The following TENM4 variants were observed in gnomAD, a reference collection of about 807,000 sequenced individuals.
TENM4 encodes the protein teneurin transmembrane protein 4, also known as teneurin-4.
A neutral mutation model predicts 243.3 loss-of-function variants in TENM4; 82 were observed. The ratio of observed to expected loss-of-function variants is 0.34; its 90% CI spans 0.28 to 0.40. The LOEUF (loss-of-function observed/expected upper bound fraction) is 0.40. TENM4 is among the 10% of genes least tolerant of loss of function. The pLI is 1.00. For missense variants in TENM4, 3,138 were observed against 3,673.3 expected (o/e 0.85, Z 3.77); for synonymous variants, 1,412 against 1,456.3 (o/e 0.97, Z 0.69).
Position 78,725,888 on chromosome 11 carries a change from T to C in TENM4, c.3550+191A>G, listed in dbSNP as rs192255715. ...GCATAAAGCCTTGAGGCCATTCATT[T>C]CTACATCCCCAGTGCCTAGCACAGT... On this transcript the variant is annotated intron_variant, in intron 23 of 33. Transcript: ENST00000278550. Among the ~76,000 whole-genome samples, 5 of 152,332 alleles carry C rather than the reference T, an allele frequency of 3.3e-5. No individual in the cohort carries two copies. The East Asian group carries it at 9.6e-4, about 29-fold the overall frequency.
intron 10 of TENM4, among the ~76,000 whole-genome samples, chr11:78,862,046 T>C (rs1261510724): frequency 1.3e-5 from 2 of 152,234 alleles, no homozygotes; most frequent in Non-Finnish European, 2.9e-5. Context: ...CATGGGCCTA[T>C]GGATATCCCA....
chr11:78,887,447 T>A (rs1434683032), intron 9 of TENM4, among the ~76,000 whole-genome samples: 1 of 152,242 alleles, frequency 6.6e-6, no homozygotes, highest in Non-Finnish European at 1.5e-5. Context: ...TCTCTTCTTT[T>A]AAGCTACGAA....
intron 6 of TENM4, among the ~76,000 whole-genome samples, chr11:78,975,592 A>ACACACC (rs935854076): frequency 2.2e-4 from 28 of 126,040 alleles, no homozygotes; most frequent in Admixed American, 1.4e-3. Flanking sequence ...CTTGGGATAC[A>ACACACC]CACACCCACA....
At chr11:79,137,679 A>G (rs1307334870) in intron 4 of TENM4, among the ~76,000 whole-genome samples, 2 of 152,124 alleles carry the variant, frequency 1.3e-5, no homozygotes, top group African/African-American at 4.8e-5. Flanking sequence ...GTACTAAGAA[A>G]ATACTTTCAT....
chr11:79,085,105 G>T (rs932305022), intron 4 of TENM4, among the ~76,000 whole-genome samples: 3 of 152,082 alleles, frequency 2.0e-5, no homozygotes, highest in Non-Finnish European at 2.9e-5. Context: ...GGGTGTAGTG[G>T]CTCATGCCTG....
At position 79,211,161 on chromosome 11, in the gene TENM4, C is replaced by T. The variant is rs137908803; in HGVS notation, c.-163+4647G>A. 2.0e-3 allele frequency among the ~76,000 whole-genome samples: 311 copies of T among 152,270 alleles called. 3 individuals are homozygous for T. Among genetic ancestry groups the T allele is most frequent in the African/African-American group, 7.1e-3 (296 of 41,552 alleles). On this transcript the variant is annotated intron_variant, in intron 3 of 33. Transcript: ENST00000278550. ...TCTGAAGGCAGTTACACCAACTTGA[C>T]CTTAAAGCACCAAGAAGATTCTGCT...
chr11:78,759,771 C>A (rs754949882), intron 18 of TENM4, among the ~76,000 whole-genome samples: 1 of 152,188 alleles, frequency 6.6e-6, no homozygotes, highest in Admixed American at 6.5e-5. Context: ...TATGAAGTAG[C>A]CACTGTTGTC....
At chr11:79,264,604 A>G (rs900469996) in intron 2 of TENM4, among the ~76,000 whole-genome samples, 1 of 152,052 alleles carries the variant, frequency 6.6e-6, no homozygotes, top group Non-Finnish European at 1.5e-5. Flanking sequence ...GTGGGTTGGG[A>G]TTAGGAGGCT....
intron 1 of TENM4, among the ~76,000 whole-genome samples, chr11:79,355,884 T>C (rs1402380547): frequency 1.3e-5 from 2 of 152,202 alleles, no homozygotes; most frequent in Non-Finnish European, 2.9e-5. Flanking sequence ...AACAAATTTA[T>C]GCAATACAGT....
At chr11:78,928,931 G>A (rs1293634898) in intron 6 of TENM4, among the ~76,000 whole-genome samples, 1 of 152,224 alleles carries the variant, frequency 6.6e-6, no homozygotes, top group Admixed American at 6.5e-5. Flanking sequence ...CTACAGTTTT[G>A]TGTCTGCATC....
chr11:78,747,936 A>G (rs571610037), intron 19 of TENM4, among the ~76,000 whole-genome samples: 87 of 152,348 alleles, frequency 5.7e-4, no homozygotes, highest in Non-Finnish European at 1.1e-3. Flanking sequence ...TCTGGGACTC[A>G]GGCCTGGCTA....
intron 6 of TENM4, among the ~76,000 whole-genome samples, chr11:79,060,886 C>T (rs1860068601): frequency 6.6e-6 from 1 of 152,196 alleles, no homozygotes; most frequent in Non-Finnish European, 1.5e-5. Context: ...TGTTCACTGA[C>T]AGGTCCAGTG....
chr11:79,143,746 A>G (rs1225411614), intron 4 of TENM4, among the ~76,000 whole-genome samples: 2 of 151,922 alleles, frequency 1.3e-5, no homozygotes, highest in Non-Finnish European at 2.9e-5. Flanking sequence ...AGGTATCCAT[A>G]TGCAGAAGAA....
rs1856635556 is a variant in TENM4 at position 78,771,031 on chromosome 11, T to G, written c.2500A>C (p.Met834Leu). Residue 834 changes from methionine to leucine, a missense_variant, in exon 18 of 34, where the codon ATG becomes CTG. Around this residue, in one of 2 missense-constraint regions of TENM4, gnomAD observed 2,467 missense variants for 3,059.1 expected, o/e 0.81. Transcript: ENST00000278550. ...GWRGAGCDTS[M>L]ETACGDSKDN... ...TTGCTGTCACCGCAGGCAGTCTCCATGGAAGTGTCACAGCCAGCTCCTCTC... is the reference window on the plus strand; with the variant it reads ...TTGCTGTCACCGCAGGCAGTCTCCAGGGAAGTGTCACAGCCAGCTCCTCTC... 1 of 1,583,938 alleles carries G rather than the reference T, an allele frequency of 6.3e-7. No homozygotes were observed. The highest frequency in any genetic ancestry group is 1.3e-5 in the African/African-American group (1 of 74,284).
chr11:79,237,980 A>T (rs986513789), intron 2 of TENM4, among the ~76,000 whole-genome samples: 1 of 152,174 alleles, frequency 6.6e-6, no homozygotes, highest in Admixed American at 6.5e-5. Context: ...CTTCCTCGCT[A>T]CAGCCACCGA....
At chr11:79,408,309 A>G (rs1034825793) in intron 1 of TENM4, among the ~76,000 whole-genome samples, 2 of 152,340 alleles carry the variant, frequency 1.3e-5, no homozygotes, top group Middle Eastern at 3.4e-3. Flanking sequence ...TTGCATTTCT[A>G]ACAAGCTCCC....
intron 1 of TENM4, among the ~76,000 whole-genome samples, chr11:79,312,480 G>A (rs371709150): frequency 3.9e-5 from 6 of 152,262 alleles, no homozygotes; most frequent in African/African-American, 1.4e-4. Context: ...CCCTATGAAA[G>A]TATGTCCTAT....
chr11:78,690,477 CAT>C (rs1236764913), intron 28 of TENM4, among the ~76,000 whole-genome samples: 2 of 152,124 alleles, frequency 1.3e-5, no homozygotes, highest in African/African-American at 4.8e-5. Flanking sequence ...AAATAATAAA[CAT>C]GGATTATTTT....
chr11:78,935,303 G>T (rs754097976), intron 6 of TENM4, among the ~76,000 whole-genome samples: 4 of 152,222 alleles, frequency 2.6e-5, no homozygotes, highest in African/African-American at 9.6e-5. Flanking sequence ...GAGCCACCGC[G>T]CCTGGCCGGA....
Sources: allele counts gnomAD v4.1 joint callset (sites outside exome capture counted in the v4.1 genomes callset), GRCh38; gene constraint gnomAD v4.1.1; regional missense constraint gnomAD v4.1.1; transcripts MANE v1.5; gene names NCBI Gene and HGNC (gene_info 2026-07-23, HGNC 2026-07-21).